The following PCDHA5 variants were observed in gnomAD, a reference collection of about 807,000 sequenced individuals.
PCDHA5 encodes protocadherin alpha-5.
PCDHA5 carries 43 observed loss-of-function variants against 61.6 expected under a neutral mutation model. The ratio of observed to expected loss-of-function variants is 0.70; its 90% CI spans 0.55 to 0.90. The LOEUF (loss-of-function observed/expected upper bound fraction) is 0.90, where lower values mean the gene tolerates loss of function less well. Among genes scored for constraint, PCDHA5 ranks in the 40% least tolerant of loss-of-function variants. The pLI, the probability that PCDHA5 is intolerant of heterozygous loss-of-function variation, is 0.00. For missense variants in PCDHA5, 1,298 were observed against 1,222.7 expected (o/e 1.06, Z -0.92); for synonymous variants, 627 against 543.9 (o/e 1.15, Z -2.13).
chr5:140,851,967 A>G, intron 1 of PCDHA5: 1 of 977,046 alleles, frequency 1.0e-6, no homozygotes, highest in Non-Finnish European at 1.2e-6. Flanking sequence ...GGTTTTCCAC[A>G]CTCTACCTTT....
At chr5:140,892,553 C>T (rs2063570808) in intron 1 of PCDHA5, among the ~76,000 whole-genome samples, 1 of 152,170 alleles carries the variant, frequency 6.6e-6, no homozygotes, top group South Asian at 2.1e-4. Flanking sequence ...TTTCTCTAGT[C>T]CTTGGAGACT....
At position 140,850,728 on chromosome 5, in the gene PCDHA5, G is replaced by T. The variant is rs2150496245; in HGVS notation, c.2352+26601G>T. The T allele has an allele frequency of 4.2e-5, 67 of 1,598,072 alleles. 6 individuals are homozygous for T. The highest frequency in any genetic ancestry group is 5.7e-5 in the Non-Finnish European group (66 of 1,167,642). On this transcript the variant is annotated intron_variant, in intron 1 of 3. Transcript: ENST00000529859. ...GCCGACGCTGGTGTGTTCTAGCGCGGTGGGGAGTTGGTCGTACTCGCAGCA... is the reference window on the plus strand; with the variant it reads ...GCCGACGCTGGTGTGTTCTAGCGCGTTGGGGAGTTGGTCGTACTCGCAGCA...
chr5:140,850,795 CCGA>C, intron 1 of PCDHA5: 1 of 1,598,426 alleles, frequency 6.3e-7, no homozygotes, highest in Non-Finnish European at 8.6e-7. Flanking sequence ...AAGCAGAAGA[CCGA>C]CCTCATGGCC....
At chr5:140,943,908 C>G (rs1554216015) in intron 1 of PCDHA5, among the ~76,000 whole-genome samples, 1 of 152,198 alleles carries the variant, frequency 6.6e-6, no homozygotes, top group Admixed American at 6.5e-5. Context: ...GTCATGAGCA[C>G]TTTAGCATGA....
At chr5:140,884,104 G>C in intron 1 of PCDHA5, 1 of 1,613,464 alleles carries the variant, frequency 6.2e-7, no homozygotes, top group African/African-American at 1.3e-5. Flanking sequence ...ATGAATTGCA[G>C]CTGGCGGCGG....
chr5:140,834,301 G>A (rs2150215052), intron 1 of PCDHA5: 1 of 1,289,234 alleles, frequency 7.8e-7, no homozygotes, highest in Non-Finnish European at 1.1e-6. Flanking sequence ...GCCACACATC[G>A]AGATTGAAAT....
chr5:140,863,068 C>A, intron 1 of PCDHA5: 1 of 567,906 alleles, frequency 1.8e-6, no homozygotes. Context: ...CCACGTGGGG[C>A]TCTGCACGGG....
intron 1 of PCDHA5, chr5:140,968,991 G>A: frequency 6.2e-7 from 1 of 1,614,208 alleles, no homozygotes; most frequent in East Asian, 2.2e-5. Context: ...ACTGCATGCT[G>A]TGGAGGCTTC....
intron 1 of PCDHA5, chr5:140,834,510 A>C: frequency 1.2e-6 from 2 of 1,614,108 alleles, no homozygotes; most frequent in Non-Finnish European, 1.7e-6. Flanking sequence ...TAAACATGGC[A>C]ACTTCGTGGG....
At chr5:140,829,048 C>T (rs2150162121) in intron 1 of PCDHA5, 1 of 1,612,862 alleles carries the variant, frequency 6.2e-7, no homozygotes, top group Non-Finnish European at 8.5e-7. Flanking sequence ...ACAAAATCCT[C>T]ATTGACGCCA....
At chr5:141,001,896 C>T (rs2098042458) in intron 3 of PCDHA5, among the ~76,000 whole-genome samples, 1 of 152,142 alleles carries the variant, frequency 6.6e-6, no homozygotes, top group Admixed American at 6.5e-5. Flanking sequence ...GAAATCGGGG[C>T]TGTTTGAAAA....
At chr5:140,967,143 A>G in intron 1 of PCDHA5, 1 of 1,611,272 alleles carries the variant, frequency 6.2e-7, no homozygotes, top group South Asian at 1.1e-5. Flanking sequence ...GTGCTGGCGC[A>G]CAACCCCGTG....
chr5:140,988,574 T>C (rs538316418), intron 3 of PCDHA5, among the ~76,000 whole-genome samples: 1 of 152,342 alleles, frequency 6.6e-6, no homozygotes, highest in East Asian at 1.9e-4. Context: ...GAAAACACTC[T>C]GTACCTTCCA....
intron 1 of PCDHA5, chr5:140,871,118 G>C (rs1554165149): frequency 6.2e-7 from 1 of 1,613,306 alleles, no homozygotes; most frequent in East Asian, 2.2e-5. Flanking sequence ...GTGGAGAGCG[G>C]ACAGGCGCCA....
chr5:140,882,036 G>C, intron 1 of PCDHA5: 1 of 646,228 alleles, frequency 1.5e-6, no homozygotes. Context: ...AAAATATGAA[G>C]ACTGAGTCAT....
At chr5:140,985,729 T>C (rs1314785007) in intron 3 of PCDHA5, among the ~76,000 whole-genome samples, 2 of 149,858 alleles carry the variant, frequency 1.3e-5, no homozygotes, top group Non-Finnish European at 3.0e-5. Flanking sequence ...TTTCCTTCAC[T>C]GATGAATTCC....
intron 3 of PCDHA5, among the ~76,000 whole-genome samples, chr5:141,000,500 T>A (rs1440390927): frequency 5.7e-5 from 8 of 140,516 alleles, no homozygotes; most frequent in Non-Finnish European, 1.2e-4. Context: ...AGATCTCGGC[T>A]CACTGCAACC....
chr5:140,937,292 C>T (rs575821972), intron 1 of PCDHA5, among the ~76,000 whole-genome samples: 2 of 152,238 alleles, frequency 1.3e-5, no homozygotes, highest in African/African-American at 4.8e-5. Context: ...CCGCTTCGGC[C>T]TCCCAAAGTG....
At chr5:140,837,515 A>AC (rs1373880523) in intron 1 of PCDHA5, among the ~76,000 whole-genome samples, 1 of 96,498 alleles carries the variant, frequency 1.0e-5, no homozygotes, top group African/African-American at 5.4e-5. Context: ...GAAGCAGTTT[A>AC]CTTTTTTTGT....
Sources: allele counts gnomAD v4.1 joint callset (sites outside exome capture counted in the v4.1 genomes callset), GRCh38; gene constraint gnomAD v4.1.1; transcripts MANE v1.5; gene names NCBI Gene and HGNC (gene_info 2026-07-23, HGNC 2026-07-21).